ABLIM1: variants seen among roughly 807,000 people sequenced by gnomAD.
ABLIM1 encodes the protein actin-binding LIM protein 1.
In ABLIM1, 40 loss-of-function variants were observed where a neutral mutation model predicts 107.0. The ratio of observed to expected loss-of-function variants is 0.37; its 90% confidence interval spans 0.29 to 0.49. The LOEUF (loss-of-function observed/expected upper bound fraction) is 0.49, where lower values mean the gene tolerates loss of function less well. Ranked by LOEUF, ABLIM1 falls within the 20% of genes least tolerant of loss-of-function variation. The probability of loss-of-function intolerance (pLI) is 0.97; values close to 1 mark genes in which losing one functional copy is unlikely to be tolerated. For missense variants in ABLIM1, 857 were observed against 1,008.5 expected (o/e 0.85, Z 2.04); for synonymous variants, 357 against 357.3 (o/e 1.00, Z 0.01).
chr10:114,553,447 C>A lies in ABLIM1; in HGVS notation c.674-5671G>T, dbSNP rs145515559. On this transcript the variant is annotated intron_variant, in intron 4 of 22. Transcript: ENST00000533213. Reference sequence around the variant, plus strand: ...AGGAAAGGTGCTAGGAATATCCTTGCAGGACTTATCAAAAGATGGTAGACT... The same window carrying A: ...AGGAAAGGTGCTAGGAATATCCTTGAAGGACTTATCAAAAGATGGTAGACT... 5.9e-5 allele frequency among the ~76,000 whole-genome samples: 9 copies of A among 152,316 alleles called. No individual in the cohort carries two copies. The East Asian group carries it at 1.5e-3, about 26-fold the overall frequency.
chr10:114,565,546 A>G (rs2070545095), intron 4 of ABLIM1, among the ~76,000 whole-genome samples: 1 of 152,180 alleles, frequency 6.6e-6, no homozygotes, highest in Non-Finnish European at 1.5e-5. Flanking sequence ...GGTTGCTAGT[A>G]AGTGGAAGAG....
intron 4 of ABLIM1, among the ~76,000 whole-genome samples, chr10:114,562,338 G>T (rs1302562894): frequency 6.6e-6 from 1 of 152,100 alleles, no homozygotes; most frequent in Non-Finnish European, 1.5e-5. Flanking sequence ...GACCATCCTG[G>T]CTAACACGGT....
At chr10:114,563,111 T>C (rs1396563344) in intron 4 of ABLIM1, among the ~76,000 whole-genome samples, 10 of 152,178 alleles carry the variant, frequency 6.6e-5, no homozygotes, top group Non-Finnish European at 5.9e-5. Flanking sequence ...CAAAATACTA[T>C]GGGAAGAAGT....
chr10:114,596,958 G>A (rs558757643), intron 2 of ABLIM1, among the ~76,000 whole-genome samples: 3 of 152,212 alleles, frequency 2.0e-5, no homozygotes, highest in African/African-American at 7.2e-5. Flanking sequence ...GGGAGGGAAG[G>A]GAATTCCAGG....
At chr10:114,763,792 G>A (rs972800348) in intron 1 of ABLIM1, among the ~76,000 whole-genome samples, 1 of 152,176 alleles carries the variant, frequency 6.6e-6, no homozygotes, top group Non-Finnish European at 1.5e-5. Flanking sequence ...TGGCTCCCAA[G>A]TCTGCCTGTA....
intron 2 of ABLIM1, among the ~76,000 whole-genome samples, chr10:114,600,130 CCA>C (rs1204637960): frequency 6.6e-6 from 1 of 152,100 alleles, no homozygotes; most frequent in Non-Finnish European, 1.5e-5. Context: ...GGACACTGAG[CCA>C]CAGAGAGACA....
upstream of ABLIM1, among the ~76,000 whole-genome samples, chr10:114,768,923 T>C (rs1292898858): frequency 6.6e-6 from 1 of 151,940 alleles, no homozygotes; most frequent in East Asian, 1.9e-4. Context: ...GTTTATCAAC[T>C]AGCGCTTGAT....
At chr10:114,577,295 C>T (rs528661361) in intron 2 of ABLIM1, among the ~76,000 whole-genome samples, 1 of 152,180 alleles carries the variant, frequency 6.6e-6, no homozygotes, top group Non-Finnish European at 1.5e-5. Context: ...TGATTTCACT[C>T]CTCAGTGACA....
chr10:114,771,588 T>C (rs2142841511), upstream of ABLIM1, among the ~76,000 whole-genome samples: 1 of 152,352 alleles, frequency 6.6e-6, no homozygotes, highest in Admixed American at 6.5e-5. Context: ...CTCAGAAATC[T>C]GAAACCAATT....
chr10:114,786,800 A>G, the ABLIM1 span, among the ~76,000 whole-genome samples: 2 of 152,152 alleles, frequency 1.3e-5, no homozygotes, highest in African/African-American at 4.8e-5. Context: ...CTCAGTGCTC[A>G]ATGGTGCCCA....
Position 114,441,026 on chromosome 10 carries a change from C to A in ABLIM1, c.2050G>T (p.Gly684Ter). ...GCCATGGGAGCCTCACCTCGCACTC[C>A]CCCGCTGACATCCCCATAGCTGTTA... ...QYNSYGDVSG[G>*]VRDYQTLPDG... Residue 684 changes from glycine (G) to a stop codon, truncating the protein, a stop_gained, in exon 19 of 23, where the codon GGA becomes TGA. Transcript: ENST00000533213. LOFTEE classifies it high-confidence loss of function. 1 of 1,589,412 alleles carries A rather than the reference C, an allele frequency of 6.3e-7. No homozygotes were observed. Among genetic ancestry groups the A allele is most frequent in the Non-Finnish European group, 8.6e-7 (1 of 1,166,706 alleles).
chr10:114,439,581 G>T, intron 20 of ABLIM1: 3 of 405,592 alleles, frequency 7.4e-6, no homozygotes, highest in South Asian at 6.1e-5. Flanking sequence ...GATTTTCTAT[G>T]CATTTTTCTT....
chr10:114,606,618 C>T (rs992616025), intron 1 of ABLIM1, among the ~76,000 whole-genome samples: 6 of 152,288 alleles, frequency 3.9e-5, no homozygotes, highest in African/African-American at 1.4e-4. Flanking sequence ...CCCTCTCAAG[C>T]CCCCTTCCTT....
chr10:114,798,564 C>CA, the ABLIM1 span, among the ~76,000 whole-genome samples: 53 of 149,198 alleles, frequency 3.6e-4, no homozygotes, highest in East Asian at 4.7e-3. Context: ...AGACCCCCCC[C>CA]CCATGTCTAC....
rs115432070 is a variant in ABLIM1, at chr10:114,505,908, T to C, written c.895-14030A>G. Among the ~76,000 whole-genome samples, 836 of 152,352 alleles carry C rather than the reference T, an allele frequency of 5.5e-3. 7 individuals are homozygous for C. Among genetic ancestry groups the C allele is most frequent in the African/African-American group, 0.019 (785 of 41,584 alleles). On this transcript the variant is annotated intron_variant, in intron 6 of 22. Transcript: ENST00000533213. ...GGTCCAAGGGGTACATGTGCAGGTT[T>C]GTCACATAGGTAAATTGCATGTTGC... is the stretch of plus-strand genomic sequence containing the variant.
At chr10:114,443,958 A>G (rs2139301439) in intron 17 of ABLIM1, 71 bp downstream of exon 17, 2 of 1,235,744 alleles carry the variant, frequency 1.6e-6, no homozygotes, top group East Asian at 4.7e-5. Flanking sequence ...ACAAGTGAAC[A>G]GTCAAGGCAG....
At chr10:114,746,356 T>C (rs368596413) in intron 1 of ABLIM1, among the ~76,000 whole-genome samples, 11 of 152,370 alleles carry the variant, frequency 7.2e-5, no homozygotes, top group Non-Finnish European at 1.5e-4. Context: ...TTTCAGTGTC[T>C]GGCTTATTTC....
chr10:114,632,813 C>A (rs2078272378), intron 1 of ABLIM1: 1 of 984,146 alleles, frequency 1.0e-6, no homozygotes, highest in Admixed American at 6.1e-5. Flanking sequence ...ACTCCAGTCA[C>A]AATTAAGGGA....
intron 1 of ABLIM1, among the ~76,000 whole-genome samples, chr10:114,678,503 G>T (rs1021661166): frequency 2.0e-5 from 3 of 152,174 alleles, no homozygotes; most frequent in African/African-American, 7.2e-5. Flanking sequence ...ACTAATGCCT[G>T]CTGCCTGTGT....
Sources: allele counts gnomAD v4.1 joint callset (sites outside exome capture counted in the v4.1 genomes callset), GRCh38; gene constraint gnomAD v4.1.1; transcripts MANE v1.5; gene names NCBI Gene and HGNC (gene_info 2026-07-23, HGNC 2026-07-21).